NKTR: variants seen among roughly 807,000 people sequenced by gnomAD.
NKTR encodes natural killer cell triggering receptor.
A neutral mutation model predicts 156.3 loss-of-function variants in NKTR; 67 were observed. The observed-to-expected ratio is 0.43, with a 90% confidence interval of 0.35 to 0.53. The LOEUF (loss-of-function observed/expected upper bound fraction) is 0.53, where lower values mean the gene tolerates loss of function less well. Among genes scored for constraint, NKTR ranks in the 20% least tolerant of loss-of-function variants. The probability of loss-of-function intolerance (pLI) is 0.01; values close to 1 mark genes in which losing one functional copy is unlikely to be tolerated. For missense variants in NKTR, 1,604 were observed against 1,730.9 expected, an observed-to-expected ratio of 0.93 and a Z score of 1.30; for synonymous variants, 640 against 596.6, an observed-to-expected ratio of 1.07 and a Z score of -1.06.
intron 2 of NKTR, chr3:42,602,763 C>T (rs936037486): frequency 2.0e-5 from 3 of 151,752 alleles, no homozygotes; most frequent in African/African-American, 7.3e-5. Flanking sequence ...CGCCTGTAAT[C>T]CCAGCACTTT....
At chr3:42,631,705 G>C (rs1282427156) in intron 8 of NKTR, among the ~76,000 whole-genome samples, 2 of 152,090 alleles carry the variant, frequency 1.3e-5, no homozygotes, top group Admixed American at 6.5e-5. Flanking sequence ...TTCATGTCAC[G>C]CCTGCACAGA....
At chr3:42,642,171 A>G (rs1041876841) in intron 13 of NKTR, among the ~76,000 whole-genome samples, 7 of 152,152 alleles carry the variant, frequency 4.6e-5, no homozygotes, top group African/African-American at 1.2e-4. Context: ...ATTTCGTTAT[A>G]TATCTCTACC....
At chr3:42,634,752 AC>A (rs755791814) in intron 11 of NKTR, 52 bp downstream of exon 11, 6 of 985,178 alleles carry the variant, frequency 6.1e-6, no homozygotes, top group Non-Finnish European at 7.7e-6. Flanking sequence ...AAAAATTTTT[AC>A]CTATTTTCAA....
In NKTR at chr3:42,635,330, G is replaced by C; in HGVS notation, c.1127G>C (p.Arg376Thr). ...GAAATGCAGAGATTAAGAGCATATA[G>C]ACCACCTAGTGGAGAAAAATGGAGT... ...KEEMQRLRAY[R>T]PPSGEKWSKG... The change falls in exon 12 of 17, where the codon AGA becomes ACA. Residue 376 changes from arginine (R) to threonine (T), a missense_variant. Around this residue, in one of 6 missense-constraint regions of NKTR, gnomAD observed 1,255 missense variants for 1,243.7 expected, o/e 1.01. Transcript: ENST00000232978. 6.2e-7 allele frequency: 1 copy of C among 1,613,044 alleles called. No homozygotes were observed. Among genetic ancestry groups the C allele is most frequent in the Non-Finnish European group, 8.5e-7 (1 of 1,179,466 alleles).
At chr3:42,605,489 A>T (rs1438178537) in intron 2 of NKTR, among the ~76,000 whole-genome samples, 1 of 152,242 alleles carries the variant, frequency 6.6e-6, no homozygotes, top group Non-Finnish European at 1.5e-5. Context: ...ATGTTTGAGT[A>T]CTACTTGTGT....
intron 6 of NKTR, chr3:42,630,041 C>A (rs952407194): frequency 1.7e-5 from 17 of 985,370 alleles, no homozygotes; most frequent in Non-Finnish European, 1.9e-5. Flanking sequence ...CTGAGACCTA[C>A]CTCTGCCTGC....
chr3:42,612,905 A>T (rs926886938), intron 2 of NKTR, among the ~76,000 whole-genome samples: 3 of 151,958 alleles, frequency 2.0e-5, no homozygotes, highest in African/African-American at 4.8e-5. Flanking sequence ...TGCTCCACTT[A>T]CATATTTTTT....
At chr3:42,630,322 AGAT>A in intron 6 of NKTR, 1 of 1,375,898 alleles carries the variant, frequency 7.3e-7, no homozygotes, top group Non-Finnish European at 9.4e-7. Context: ...AGTCTAATAG[AGAT>A]GATTGTAATT....
At chr3:42,624,339 A>G (rs1372752287) in intron 6 of NKTR, among the ~76,000 whole-genome samples, 3 of 152,050 alleles carry the variant, frequency 2.0e-5, no homozygotes, top group Non-Finnish European at 4.4e-5. Context: ...CCCATGAATC[A>G]CTAAAGAAAC....
intron 16 of NKTR, among the ~76,000 whole-genome samples, chr3:42,644,929 A>C (rs1423983337): frequency 6.6e-6 from 1 of 152,036 alleles, no homozygotes; most frequent in African/African-American, 2.4e-5. Context: ...CTTGCTGACT[A>C]TTCTATTCTG....
intron 8 of NKTR, among the ~76,000 whole-genome samples, chr3:42,632,041 A>G (rs1279237553): frequency 8.5e-6 from 1 of 117,002 alleles, no homozygotes; most frequent in African/African-American, 3.2e-5. Flanking sequence ...GCACTTAATC[A>G]TTTGTCATAT....
intron 5 of NKTR, chr3:42,621,021 A>G: frequency 1.0e-6 from 1 of 974,882 alleles, no homozygotes; most frequent in Non-Finnish European, 1.2e-6. Flanking sequence ...TTAAACACCT[A>G]AAAAGATTAT....
intron 9 of NKTR, chr3:42,633,154 A>G (rs2125809251): frequency 2.1e-6 from 1 of 478,816 alleles, no homozygotes; most frequent in Non-Finnish European, 2.9e-6. Flanking sequence ...ATCTTTCTGC[A>G]TCAGCCTCCT....
intron 12 of NKTR, among the ~76,000 whole-genome samples, chr3:42,635,944 A>G (rs1709365848): frequency 6.6e-6 from 1 of 152,220 alleles, no homozygotes; most frequent in Non-Finnish European, 1.5e-5. Context: ...TAGAAATTAT[A>G]TAGCAGATTC....
At chr3:42,600,629 T>G, upstream of NKTR, 1 of 164,104 alleles carries the variant, frequency 6.1e-6, no homozygotes, top group Non-Finnish European at 1.3e-5. Flanking sequence ...CTCGCGGTAT[T>G]TGTCCCGACT....
rs768017939 is a variant in NKTR, at chr3:42,634,624, A to G, written c.941A>G (p.Asp314Gly). Residue 314 changes from aspartate (D) to glycine (G), a missense_variant, in exon 11 of 17, where the codon GAT becomes GGT. Transcript: ENST00000232978. ...VTAEPEPKIP[D>G]VAPIVSDQKP... Reference sequence around the variant, plus strand: ...TCTTCTTTTCCTAGGAAGATTCCTGATGTTGCACCCATTGTAAGTGATCAG... The same window carrying G: ...TCTTCTTTTCCTAGGAAGATTCCTGGTGTTGCACCCATTGTAAGTGATCAG... The G allele has an allele frequency of 6.4e-7, 1 of 1,573,486 alleles. No homozygotes were observed. The highest frequency in any genetic ancestry group is 8.6e-7 in the Non-Finnish European group (1 of 1,156,092).
chr3:42,641,590 G>C (rs1467264766), intron 13 of NKTR, among the ~76,000 whole-genome samples: 1 of 152,124 alleles, frequency 6.6e-6, no homozygotes, highest in Non-Finnish European at 1.5e-5. Flanking sequence ...TTAAAAAATA[G>C]ATCTTTGGGC....
chr3:42,643,896 A>G lies in NKTR; in HGVS notation c.4200-6A>G, dbSNP rs781285469. 6.2e-7 allele frequency: 1 copy of G among 1,608,334 alleles called. No homozygotes were observed. The highest frequency in any genetic ancestry group is 2.2e-5 in the East Asian group (1 of 44,852). On this transcript the variant is annotated splice_region_variant and splice_polypyrimidine_tract_variant and intron_variant, in intron 15 of 16. Transcript: ENST00000232978. ...AATTTAGTGTTTGTTGTTGCCGTTA[A>G]AGCAGGTCCTACACCTACGATAGCT...
At chr3:42,610,230 C>G (rs1706646829) in intron 2 of NKTR, among the ~76,000 whole-genome samples, 1 of 152,068 alleles carries the variant, frequency 6.6e-6, no homozygotes. Flanking sequence ...TCTCGAACTC[C>G]CGACCTCAGG....
Sources: gnomAD v4.1 joint callset for allele counts (sites outside exome capture counted in the v4.1 genomes callset) on GRCh38, gnomAD v4.1.1 for gene constraint, gnomAD v4.1.1 regional missense constraint, MANE v1.5 for transcripts, NCBI Gene and HGNC (gene_info 2026-07-23, HGNC 2026-07-21) for gene names.